CEP112: variants seen among roughly 807,000 people sequenced by gnomAD.
The protein encoded by CEP112 is centrosomal protein of 112 kDa.
In CEP112, 127 loss-of-function variants were observed where a neutral mutation model predicts 153.0. The observed-to-expected ratio is 0.83, with a 90% CI of 0.72 to 0.96. The LOEUF (loss-of-function observed/expected upper bound fraction) is 0.96. Ranked by LOEUF, CEP112 falls within the 40% of genes least tolerant of loss-of-function variation. The pLI, the probability that CEP112 is intolerant of heterozygous loss-of-function variation, is 0.00. For synonymous variants in CEP112, 358 were observed against 374.4 expected (o/e 0.96, Z 0.51); for missense variants, 1,089 against 1,101.2 (o/e 0.99, Z 0.16).
intron 24 of CEP112, among the ~76,000 whole-genome samples, chr17:65,656,306 T>C (rs537999892): frequency 3.3e-5 from 5 of 152,280 alleles, no homozygotes; most frequent in South Asian, 2.1e-4. Flanking sequence ...AGGGGAAGAA[T>C]TGAGAAGTGG....
intron 6 of CEP112, among the ~76,000 whole-genome samples, chr17:66,103,990 C>T (rs1427206151): frequency 6.6e-6 from 1 of 152,142 alleles, no homozygotes; most frequent in Non-Finnish European, 1.5e-5. Flanking sequence ...TTAGTTCTAG[C>T]GAACTCCACC....
intron 17 of CEP112, 85 bp downstream of exon 17, chr17:66,005,605 A>T: frequency 6.9e-7 from 1 of 1,449,314 alleles, no homozygotes; most frequent in Non-Finnish European, 9.1e-7. Context: ...TTATAAAAAT[A>T]TAGTGTTTAG....
At chr17:65,727,254 T>C (rs2050233468) in intron 23 of CEP112, among the ~76,000 whole-genome samples, 1 of 150,354 alleles carries the variant, frequency 6.7e-6, no homozygotes, top group East Asian at 1.9e-4. Flanking sequence ...AGAATGAGCA[T>C]TTTTTTTTTC....
At chr17:65,657,492 G>A (rs1349001609) in intron 24 of CEP112, among the ~76,000 whole-genome samples, 1 of 152,180 alleles carries the variant, frequency 6.6e-6, no homozygotes, top group Non-Finnish European at 1.5e-5. Context: ...GTTTAAACAA[G>A]TTGGAAGGAA....
chr17:65,857,903 T>C (rs2058178509), intron 20 of CEP112, among the ~76,000 whole-genome samples: 1 of 152,240 alleles, frequency 6.6e-6, no homozygotes, highest in Admixed American at 6.5e-5. Flanking sequence ...ACATTTTGAC[T>C]ACTATTTCAA....
At chr17:65,813,036 C>T (rs1430081691) in intron 21 of CEP112, among the ~76,000 whole-genome samples, 1 of 152,016 alleles carries the variant, frequency 6.6e-6, no homozygotes, top group Non-Finnish European at 1.5e-5. Flanking sequence ...AACATTATTT[C>T]AAATAAGATA....
At chr17:66,065,851 G>A (rs557970398) in intron 10 of CEP112, among the ~76,000 whole-genome samples, 4 of 152,050 alleles carry the variant, frequency 2.6e-5, no homozygotes, top group East Asian at 1.9e-4. Flanking sequence ...GGACGGTCTC[G>A]ATCTCCTGAC....
chr17:65,807,076 C>T (rs952558134), intron 21 of CEP112, among the ~76,000 whole-genome samples: 2 of 152,136 alleles, frequency 1.3e-5, no homozygotes, highest in African/African-American at 4.8e-5. Context: ...GAGGTCCAGG[C>T]TGAAGTGGTC....
intron 24 of CEP112, among the ~76,000 whole-genome samples, chr17:65,669,925 G>C (rs1413020730): frequency 2.7e-5 from 4 of 149,576 alleles, no homozygotes; most frequent in Non-Finnish European, 4.5e-5. Flanking sequence ...AAAAAAGAGA[G>C]AAAAATAGAA....
Position 65,961,764 on chromosome 17 carries a change from A to G in CEP112, c.1737-166T>C, listed in dbSNP as rs368789993. ...TTTGACAATAAACTAATTTGTCTCA[A>G]GAGAAAAAGGGTATAAACATATATT... On this transcript the variant is annotated intron_variant, in intron 17 of 26. Transcript: ENST00000535342. Among the ~76,000 whole-genome samples, 24 of 152,374 alleles carry G rather than the reference A, an allele frequency of 1.6e-4. No homozygotes were observed. The East Asian group carries it at 1.7e-3, about 11-fold the overall frequency.
At chr17:66,168,312 C>A (rs903381991) in intron 4 of CEP112, among the ~76,000 whole-genome samples, 1 of 151,972 alleles carries the variant, frequency 6.6e-6, no homozygotes, top group Non-Finnish European at 1.5e-5. Flanking sequence ...CAAACACAAA[C>A]GGAAGCTTCC....
intron 18 of CEP112, among the ~76,000 whole-genome samples, chr17:65,936,531 C>T (rs1396327062): frequency 1.3e-5 from 2 of 151,924 alleles, no homozygotes; most frequent in African/African-American, 4.8e-5. Flanking sequence ...AAAATACTAG[C>T]AATAAAAAAA....
chr17:65,824,186 A>G (rs12601958), intron 21 of CEP112, among the ~76,000 whole-genome samples: 58,555 of 152,108 alleles, frequency 0.38, 12,067 homozygotes, highest in East Asian at 0.79. Context: ...TGGAGAATGG[A>G]TAAGTTTTGT....
chr17:65,971,358 CAT>C (rs1031153305), intron 17 of CEP112, among the ~76,000 whole-genome samples: 51 of 149,570 alleles, frequency 3.4e-4, no homozygotes, highest in African/African-American at 1.1e-3. Flanking sequence ...TTCAGGAACA[CAT>C]GTATATCGCA....
intron 20 of CEP112, among the ~76,000 whole-genome samples, chr17:65,859,718 A>AT (rs1317868682): frequency 6.6e-6 from 1 of 151,288 alleles, no homozygotes; most frequent in Non-Finnish European, 1.5e-5. Context: ...ACATAAAAAA[A>AT]AAAAACTGGG....
chr17:65,867,896 G>C (rs1180153206), intron 20 of CEP112, among the ~76,000 whole-genome samples: 2 of 150,808 alleles, frequency 1.3e-5, no homozygotes, highest in Non-Finnish European at 2.9e-5. Flanking sequence ...AGTAAAGGGG[G>C]AATGAAGTCA....
At chr17:66,148,654 A>G (rs957763949) in intron 4 of CEP112, among the ~76,000 whole-genome samples, 9 of 152,078 alleles carry the variant, frequency 5.9e-5, no homozygotes, top group African/African-American at 1.7e-4. Flanking sequence ...TGCTTTTCAG[A>G]TTGTTCATTG....
intron 17 of CEP112, among the ~76,000 whole-genome samples, chr17:65,997,206 A>C (rs2063823877): frequency 6.6e-6 from 1 of 152,140 alleles, no homozygotes; most frequent in South Asian, 2.1e-4. Flanking sequence ...GTGAGACTCC[A>C]TCTAAAATAA....
intron 21 of CEP112, among the ~76,000 whole-genome samples, chr17:65,838,988 C>T (rs2057420061): frequency 6.6e-6 from 1 of 152,084 alleles, no homozygotes; most frequent in African/African-American, 2.4e-5. Flanking sequence ...ACCAGTAATA[C>T]ATAATGAGAT....
Sources: allele counts gnomAD v4.1 joint callset (sites outside exome capture counted in the v4.1 genomes callset), GRCh38; gene constraint gnomAD v4.1.1; transcripts MANE v1.5; gene names NCBI Gene and HGNC (gene_info 2026-07-23, HGNC 2026-07-21).